The following HAO1 variants were observed in gnomAD, a reference collection of about 807,000 sequenced individuals.
HAO1 encodes hydroxyacid oxidase 1.
Under a neutral mutation model 39.7 loss-of-function variants are expected in HAO1, and 34 were observed. The observed-to-expected ratio is 0.86, with a 90% confidence interval of 0.65 to 1.14. The LOEUF (loss-of-function observed/expected upper bound fraction) is 1.14, where lower values mean the gene tolerates loss of function less well. Ranked by LOEUF, HAO1 falls within the 50% of genes most tolerant of loss-of-function variation. HAO1 has a pLI of 0.00. For missense variants in HAO1, 479 were observed against 464.5 expected (o/e 1.03, Z -0.29); for synonymous variants, 172 against 173.2 (o/e 0.99, Z 0.05).
At chr20:7,898,381 A>T (rs2050206742) in intron 4 of HAO1, among the ~76,000 whole-genome samples, 1 of 152,142 alleles carries the variant, frequency 6.6e-6, no homozygotes, top group South Asian at 2.1e-4. Flanking sequence ...AAGTTTCTTA[A>T]AATTTCTCTG....
At chr20:7,899,423 C>A (rs2050211517) in intron 4 of HAO1, among the ~76,000 whole-genome samples, 1 of 152,098 alleles carries the variant, frequency 6.6e-6, no homozygotes, top group South Asian at 2.1e-4. Flanking sequence ...GATTTATTTG[C>A]AGGATGCGTT....
chr20:7,932,196 A>C (rs1435245834), intron 2 of HAO1, among the ~76,000 whole-genome samples: 2 of 152,138 alleles, frequency 1.3e-5, no homozygotes, highest in African/African-American at 4.8e-5. Context: ...TTCCACCATG[A>C]TTGTAAGTTT....
chr20:7,888,925 G>A (rs1026032420), intron 5 of HAO1, among the ~76,000 whole-genome samples: 2 of 152,104 alleles, frequency 1.3e-5, no homozygotes, highest in Non-Finnish European at 2.9e-5. Flanking sequence ...GAAGATGTGA[G>A]ACAATGCAGA....
chr20:7,940,168 T>C (rs993449325), intron 1 of HAO1, 118 bp downstream of exon 1: 13 of 794,844 alleles, frequency 1.6e-5, no homozygotes, highest in Non-Finnish European at 2.4e-5. Context: ...TTTCCCTCTC[T>C]ACTAAGCACA....
chr20:7,920,131 G>A (rs1289561481), intron 2 of HAO1, among the ~76,000 whole-genome samples: 2 of 151,828 alleles, frequency 1.3e-5, no homozygotes, highest in Non-Finnish European at 2.9e-5. Context: ...TTGGATCATA[G>A]GGGTGATTTC....
Position 7,883,404 on chromosome 20 carries a change from G to A in HAO1, c.*189C>T, listed in dbSNP as rs928181023. On this transcript the variant is annotated 3_prime_UTR_variant, in exon 8 of 8. Transcript: ENST00000378789. ...ATGAAAGTCCATTTCTTTCTAAAAG[G>A]TTCCTAGGACACCCATTGAAAAGTC... 1.9e-5 allele frequency: 11 copies of A among 573,954 alleles called. No homozygotes were observed. The highest frequency in any genetic ancestry group is 1.5e-4 in the African/African-American group (8 of 53,530). The allele number at this position is 573,954 out of a possible 1,614,324, so 35.6% of individuals were successfully genotyped here.
At chr20:7,903,298 T>G (rs899838260) in intron 4 of HAO1, among the ~76,000 whole-genome samples, 6 of 152,188 alleles carry the variant, frequency 3.9e-5, no homozygotes, top group African/African-American at 1.4e-4. Flanking sequence ...ATCTTTTTTT[T>G]TTTTTTTGAG....
At chr20:7,921,059 C>CAA (rs34357188) in intron 2 of HAO1, among the ~76,000 whole-genome samples, 43 of 143,644 alleles carry the variant, frequency 3.0e-4, no homozygotes, top group South Asian at 1.1e-3. Flanking sequence ...TGCTAATATC[C>CAA]AAAAAAAAAA....
At chr20:7,935,237 A>G (rs992698388) in intron 1 of HAO1, among the ~76,000 whole-genome samples, 2 of 152,120 alleles carry the variant, frequency 1.3e-5, no homozygotes, top group Admixed American at 1.3e-4. Context: ...GGGTACTATC[A>G]TTTGTCCAGT....
intron 5 of HAO1, among the ~76,000 whole-genome samples, chr20:7,893,631 A>G (rs2050183930): frequency 6.6e-6 from 1 of 152,150 alleles, no homozygotes; most frequent in African/African-American, 2.4e-5. Context: ...GCCTTCAACC[A>G]GGAACTGACT....
At chr20:7,928,603 A>G (rs1010818517) in intron 2 of HAO1, among the ~76,000 whole-genome samples, 3 of 152,054 alleles carry the variant, frequency 2.0e-5, no homozygotes, top group African/African-American at 7.2e-5. Context: ...AAGTTCTGTA[A>G]GATCCCTGGA....
At chr20:7,924,161 A>T (rs1456756520) in intron 2 of HAO1, among the ~76,000 whole-genome samples, 1 of 151,836 alleles carries the variant, frequency 6.6e-6, no homozygotes, top group African/African-American at 2.4e-5. Context: ...CTTAACCATT[A>T]TCCCATGATT....
At position 7,914,195 on chromosome 20, in the gene HAO1, G is replaced by T. The variant is rs778551661; in HGVS notation, c.514C>A (p.Arg172Ser). Residue 172 changes from arginine to serine, a missense_variant, in exon 3 of 8, where the codon CGT becomes AGT. Coordinates refer to ENST00000378789, the MANE Select transcript of HAO1 (RefSeq NM_017545.3). ...TGTGGCGGCAGTTTGAATCTGTTAC[G>T]CACATCATCCAGACGGTTGCCCAGG... ...PYLGNRLDDV[R>S]NRFKLPPQLR... The T allele has an allele frequency of 1.2e-6, 2 of 1,613,982 alleles. No homozygotes were observed. The highest frequency in any genetic ancestry group is 1.7e-6 in the Non-Finnish European group (2 of 1,179,948).
chr20:7,886,712 C>G (rs1246102436), intron 5 of HAO1, among the ~76,000 whole-genome samples: 1 of 152,164 alleles, frequency 6.6e-6, no homozygotes, highest in Admixed American at 6.6e-5. Flanking sequence ...AGATCTTGGT[C>G]TTGATTGGCA....
chr20:7,904,734 T>A (rs1157409594), intron 4 of HAO1, among the ~76,000 whole-genome samples: 1 of 152,124 alleles, frequency 6.6e-6, no homozygotes, highest in Non-Finnish European at 1.5e-5. Flanking sequence ...CATAAAAATA[T>A]TTTAGCACAC....
intron 1 of HAO1, among the ~76,000 whole-genome samples, chr20:7,936,741 A>G (rs2050414232): frequency 6.6e-6 from 1 of 152,132 alleles, no homozygotes; most frequent in African/African-American, 2.4e-5. Flanking sequence ...GATAATACAG[A>G]GGCTTGTCAA....
intron 1 of HAO1, among the ~76,000 whole-genome samples, chr20:7,936,308 TTGAAGGGGGAGAAGCAG>T (rs2050409730): frequency 6.6e-6 from 1 of 152,106 alleles, no homozygotes; most frequent in Non-Finnish European, 1.5e-5. Flanking sequence ...GATCTCCATT[TTGAAGGGGGAGAAGCAG>T]AAGCCTTGAA....
At chr20:7,918,352 A>G (rs1463622542) in intron 2 of HAO1, among the ~76,000 whole-genome samples, 8 of 152,234 alleles carry the variant, frequency 5.3e-5, no homozygotes, top group Admixed American at 5.2e-4. Flanking sequence ...TGAACCATTC[A>G]GAGAGGCAAT....
At chr20:7,924,956 T>C (rs1300518989) in intron 2 of HAO1, among the ~76,000 whole-genome samples, 4 of 152,114 alleles carry the variant, frequency 2.6e-5, no homozygotes, top group African/African-American at 9.7e-5. Context: ...ACCAAGCAGT[T>C]GTGTGGTTCT....
Sources: allele counts gnomAD v4.1 joint callset (sites outside exome capture counted in the v4.1 genomes callset), GRCh38; gene constraint gnomAD v4.1.1; transcripts MANE v1.5; gene names NCBI Gene and HGNC (gene_info 2026-07-23, HGNC 2026-07-21).